PRICKLE2: variants seen among roughly 807,000 people sequenced by gnomAD.
The protein encoded by PRICKLE2 is prickle-like protein 2.
In PRICKLE2, 21 loss-of-function variants were observed where a neutral mutation model predicts 81.4. That is an observed-to-expected ratio of 0.26 (90% CI 0.18 to 0.37). The LOEUF (loss-of-function observed/expected upper bound fraction) is 0.37, where lower values mean the gene tolerates loss of function less well. PRICKLE2 is among the 10% of genes least tolerant of loss of function. The pLI is 1.00. For missense variants in PRICKLE2, 940 were observed against 1,109.0 expected (o/e 0.85, Z 2.16); for synonymous variants, 456 against 421.5 (o/e 1.08, Z -1.00).
At chr3:64,202,041 C>CATAG (rs1403104510) in intron 1 of PRICKLE2, among the ~76,000 whole-genome samples, 1 of 152,104 alleles carries the variant, frequency 6.6e-6, no homozygotes. Flanking sequence ...ATCTACTGAC[C>CATAG]ATAGCTGTAA....
At chr3:64,228,117 A>G (rs995793250), upstream of PRICKLE2, among the ~76,000 whole-genome samples, 5 of 152,174 alleles carry the variant, frequency 3.3e-5, no homozygotes, top group Admixed American at 2.0e-4. Flanking sequence ...AGATGAATAC[A>G]TGCTTCACCC....
Position 64,147,396 on chromosome 3 carries a change from A to C in PRICKLE2, c.1094T>G (p.Leu365Arg). 1 of 1,614,234 alleles carries C rather than the reference A, an allele frequency of 6.2e-7. No individual in the cohort carries two copies. The highest frequency in any genetic ancestry group is 1.1e-5 in the South Asian group (1 of 91,086). ...TGACAGGGGGTCTACGTCGGCTGAC[A>C]GCCGGTTAGAACTCACTTGCAGCTG... ...HSQLQVSSNR[L>R]SADVDPLSLQ... Residue 365 changes from leucine to arginine, a missense_variant, in exon 7 of 8, where the codon CTG becomes CGG. Coordinates refer to ENST00000638394, the MANE Select transcript of PRICKLE2 (RefSeq NM_198859.4). This position sits in a 1 kb window ranked among gnomAD's most constrained non-coding sequence, Gnocchi z 5.0.
chr3:64,258,845 A>AAAGGAAGAAAGAAAG (rs1553663504), intron 2 of PRICKLE2, among the ~76,000 whole-genome samples: 1 of 34,000 alleles, frequency 2.9e-5, no homozygotes, highest in Non-Finnish European at 5.2e-5. Flanking sequence ...AAAAAAAAAA[A>AAAGGAAGAAAGAAAG]AAAGAAAGAA....
At chr3:64,194,782 G>A (rs887810317) in intron 2 of PRICKLE2, among the ~76,000 whole-genome samples, 4 of 152,158 alleles carry the variant, frequency 2.6e-5, no homozygotes, top group East Asian at 1.9e-4. Flanking sequence ...CAGACCAGGC[G>A]TGGTGGCCCA....
At chr3:64,118,580 A>C (rs2076976424) in intron 7 of PRICKLE2, among the ~76,000 whole-genome samples, 1 of 152,242 alleles carries the variant, frequency 6.6e-6, no homozygotes, top group Non-Finnish European at 1.5e-5. Flanking sequence ...ATATGTGGCC[A>C]GTAATCATGC....
intron 2 of PRICKLE2, among the ~76,000 whole-genome samples, chr3:64,249,968 A>G (rs759960863): frequency 5.9e-5 from 9 of 152,236 alleles, no homozygotes; most frequent in Non-Finnish European, 1.0e-4. Context: ...CAGAAGCTTA[A>G]TGACGTGCTC....
chr3:64,223,860 G>A (rs75941056), intron 1 of PRICKLE2, among the ~76,000 whole-genome samples: 8,269 of 152,240 alleles, frequency 0.054, 302 homozygotes, highest in Non-Finnish European at 0.083. Flanking sequence ...TAGCAAAGAG[G>A]CAAGGCTGCT....
chr3:64,182,006 G>C (rs1383580653), intron 2 of PRICKLE2, among the ~76,000 whole-genome samples: 2 of 152,178 alleles, frequency 1.3e-5, no homozygotes, highest in African/African-American at 4.8e-5. Context: ...AAGTGATAGA[G>C]GGAGGAAAGC....
At chr3:64,260,773 A>G (rs1205528497) in intron 2 of PRICKLE2, among the ~76,000 whole-genome samples, 2 of 152,214 alleles carry the variant, frequency 1.3e-5, no homozygotes, top group Non-Finnish European at 2.9e-5. Flanking sequence ...TTTTGGGGCC[A>G]GAGAGAAGAG....
chr3:64,143,298 A>G (rs936547095), intron 7 of PRICKLE2, among the ~76,000 whole-genome samples: 2 of 152,178 alleles, frequency 1.3e-5, no homozygotes, highest in African/African-American at 2.4e-5. Context: ...TATGGCTGCC[A>G]TATTAGACAG....
In PRICKLE2 at chr3:64,244,895, T is replaced by C. The variant is rs188131377; in HGVS notation, c.129-45928A>G. ...CCAATGGTTCTCAACCAGTATGTCATAGCACACATGAATATACCCCGAATA... is the reference window on the plus strand; with the variant it reads ...CCAATGGTTCTCAACCAGTATGTCACAGCACACATGAATATACCCCGAATA... On this transcript the variant is annotated intron_variant, in intron 2 of 8. Transcript: ENST00000295902. Among the ~76,000 whole-genome samples, 228 of 152,248 alleles carry C rather than the reference T, an allele frequency of 1.5e-3. 1 individual carries two copies. Among genetic ancestry groups the C allele is most frequent in the Middle Eastern group, 6.8e-3 (2 of 294 alleles).
In PRICKLE2 at chr3:64,197,420, C is replaced by G. The variant is rs924083344; in HGVS notation, c.144+1364G>C. Among the ~76,000 whole-genome samples the G allele has an allele frequency of 2.6e-5, 4 of 152,196 alleles. No homozygotes were observed. In the East Asian group the frequency reaches 7.7e-4, roughly 29 times the overall value. On this transcript the variant is annotated intron_variant, in intron 2 of 7. Coordinates refer to ENST00000638394, the MANE Select transcript of PRICKLE2 (RefSeq NM_198859.4). ...TTTAAGTATCTGTTCATGACCTTTG[C>G]CCACTTTTTAATGGGATTGTTTGGT...
intron 1 of PRICKLE2, among the ~76,000 whole-genome samples, chr3:64,223,595 T>C (rs1215593233): frequency 6.6e-6 from 1 of 152,210 alleles, no homozygotes; most frequent in East Asian, 1.9e-4. Flanking sequence ...TAGACTGAGA[T>C]GCCCGATGGA....
Position 64,171,735 on chromosome 3 carries a change from A to G in PRICKLE2, c.145-8606T>C, listed in dbSNP as rs988721530. 1.3e-5 allele frequency among the ~76,000 whole-genome samples: 2 copies of G among 152,240 alleles called. 1 individual carries two copies. Among genetic ancestry groups the G allele is most frequent in the South Asian group, 4.1e-4 (2 of 4,838 alleles). On this transcript the variant is annotated intron_variant, in intron 2 of 7. Transcript: ENST00000638394. The stretch of plus-strand genomic sequence containing the variant: ...AATAAACAAGCGAGATTTCAAGAGG[A>G]AACAGAGTAAAACTCATTAAGCTTC...
At chr3:64,204,585 A>AC (rs796099631) in intron 1 of PRICKLE2, among the ~76,000 whole-genome samples, 10 of 151,412 alleles carry the variant, frequency 6.6e-5, no homozygotes, top group African/African-American at 2.2e-4. Context: ...AACAACAACA[A>AC]AAAACCTCAC....
chr3:64,177,612 T>C (rs968957911), intron 2 of PRICKLE2, among the ~76,000 whole-genome samples: 2 of 152,172 alleles, frequency 1.3e-5, no homozygotes, highest in African/African-American at 4.8e-5. Flanking sequence ...TCTAATTTAC[T>C]GTCTGTCTCT....
At chr3:64,250,873 C>A (rs1354774795) in intron 2 of PRICKLE2, among the ~76,000 whole-genome samples, 1 of 152,144 alleles carries the variant, frequency 6.6e-6, no homozygotes, top group Non-Finnish European at 1.5e-5. Flanking sequence ...AGATACTCCC[C>A]CAATAACCAG....
At chr3:64,177,651 A>G (rs1366001748) in intron 2 of PRICKLE2, among the ~76,000 whole-genome samples, 4 of 152,318 alleles carry the variant, frequency 2.6e-5, no homozygotes, top group South Asian at 4.1e-4. Flanking sequence ...GATACTTCAT[A>G]TAAGTGGAAT....
At chr3:64,262,128 G>A (rs2079623863) in intron 2 of PRICKLE2, among the ~76,000 whole-genome samples, 1 of 152,090 alleles carries the variant, frequency 6.6e-6, no homozygotes, top group African/African-American at 2.4e-5. Context: ...ACTCTATCAA[G>A]ATATCAAACA....
Sources: gnomAD v4.1 joint callset for allele counts (sites outside exome capture counted in the v4.1 genomes callset) on GRCh38, gnomAD v4.1.1 for gene constraint, Gnocchi (gnomAD v3.1) non-coding constraint, MANE v1.5 for transcripts, NCBI Gene and HGNC (gene_info 2026-07-23, HGNC 2026-07-21) for gene names.